The following CFDP1 variants were observed in gnomAD, a reference collection of about 807,000 sequenced individuals.
CFDP1 encodes heterochromatin-stabilizing protein CFDP1.
A neutral mutation model predicts 40.1 loss-of-function variants in CFDP1; 31 were observed. The ratio of observed to expected loss-of-function variants is 0.77; its 90% CI spans 0.58 to 1.04. The LOEUF is 1.04. Ranked by LOEUF, CFDP1 falls within the 50% of genes least tolerant of loss-of-function variation. The pLI, the probability that CFDP1 is intolerant of heterozygous loss-of-function variation, is 0.00. For missense variants in CFDP1, 423 were observed against 343.4 expected (o/e 1.23, Z -1.83); for synonymous variants, 167 against 120.0 (o/e 1.39, Z -2.56).
chr16:75,334,731 GA>G (rs1278627226), intron 5 of CFDP1, among the ~76,000 whole-genome samples: 1 of 152,156 alleles, frequency 6.6e-6, no homozygotes, highest in African/African-American at 2.4e-5. Flanking sequence ...GACGCAGGCG[GA>G]TAACTGGAGG....
At chr16:75,368,008 G>A (rs1257741764) in intron 5 of CFDP1, among the ~76,000 whole-genome samples, 1 of 152,104 alleles carries the variant, frequency 6.6e-6, no homozygotes, top group East Asian at 1.9e-4. Context: ...AAGGGCTGAG[G>A]CAGAAGAATC....
At chr16:75,409,651 C>T (rs1459152788) in intron 4 of CFDP1, among the ~76,000 whole-genome samples, 1 of 152,072 alleles carries the variant, frequency 6.6e-6, no homozygotes. Flanking sequence ...ATGGAGAATG[C>T]CCTTGGTCGT....
intron 5 of CFDP1, among the ~76,000 whole-genome samples, chr16:75,326,146 A>G (rs946843843): frequency 2.6e-5 from 4 of 152,212 alleles, no homozygotes; most frequent in African/African-American, 9.6e-5. Flanking sequence ...TGTGAAAATG[A>G]AGCTCTATAA....
intron 5 of CFDP1, among the ~76,000 whole-genome samples, chr16:75,354,849 T>A (rs1278232273): frequency 6.6e-6 from 1 of 152,210 alleles, no homozygotes; most frequent in Non-Finnish European, 1.5e-5. Flanking sequence ...AATCTCTTAA[T>A]TTTGACAAAT....
At chr16:75,411,531 C>T (rs992599522) in intron 4 of CFDP1, among the ~76,000 whole-genome samples, 5 of 152,166 alleles carry the variant, frequency 3.3e-5, no homozygotes, top group Admixed American at 3.3e-4. Flanking sequence ...GGAGACATGA[C>T]TTACCAAAAG....
intron 4 of CFDP1, among the ~76,000 whole-genome samples, chr16:75,411,084 T>A (rs1413699364): frequency 6.6e-6 from 1 of 151,664 alleles, no homozygotes; most frequent in Non-Finnish European, 1.5e-5. Flanking sequence ...AGGGCATGGT[T>A]GCACAGGCTT....
chr16:75,303,400 AATGT>A (rs71380717), intron 6 of CFDP1, among the ~76,000 whole-genome samples: 15 of 146,232 alleles, frequency 1.0e-4, no homozygotes, highest in African/African-American at 2.8e-4. Context: ...TAAATAAATA[AATGT>A]ATGTATGTAT....
intron 5 of CFDP1, among the ~76,000 whole-genome samples, chr16:75,322,508 G>C (rs1462161482): frequency 6.6e-6 from 1 of 152,178 alleles, no homozygotes; most frequent in Non-Finnish European, 1.5e-5. Flanking sequence ...CTACAAATCT[G>C]TATAGCATGT....
chr16:75,400,665 G>C (rs2079043923), intron 4 of CFDP1, among the ~76,000 whole-genome samples: 1 of 152,186 alleles, frequency 6.6e-6, no homozygotes, highest in Non-Finnish European at 1.5e-5. Flanking sequence ...TCCATTCTGA[G>C]AAAAGAGGAA....
intron 5 of CFDP1, among the ~76,000 whole-genome samples, chr16:75,391,842 G>A (rs901418516): frequency 2.4e-4 from 37 of 152,038 alleles, no homozygotes; most frequent in South Asian, 2.1e-4. Context: ...GGTGGCGGGC[G>A]CCTGTAATCC....
At chr16:75,402,532 T>A (rs1016130462) in intron 4 of CFDP1, among the ~76,000 whole-genome samples, 1 of 152,168 alleles carries the variant, frequency 6.6e-6, no homozygotes, top group Non-Finnish European at 1.5e-5. Flanking sequence ...AAATTTAACA[T>A]TAAAATACAG....
intron 5 of CFDP1, among the ~76,000 whole-genome samples, chr16:75,347,878 G>A (rs766668138): frequency 2.0e-5 from 3 of 152,074 alleles, no homozygotes; most frequent in African/African-American, 4.8e-5. Flanking sequence ...GCGAAATCAC[G>A]AAGCAAACCC....
intron 6 of CFDP1, among the ~76,000 whole-genome samples, chr16:75,294,687 G>A (rs1236684956): frequency 6.6e-6 from 1 of 152,028 alleles, no homozygotes; most frequent in Non-Finnish European, 1.5e-5. Flanking sequence ...CCTCCACCCT[G>A]TTTGCGTCTA....
chr16:75,395,037 G>C (rs1326352911), intron 5 of CFDP1, 53 bp downstream of exon 5: 7 of 1,607,460 alleles, frequency 4.4e-6, no homozygotes, highest in Non-Finnish European at 6.0e-6. Flanking sequence ...TATTTGCACT[G>C]AAAGCTTCTC....
chr16:75,404,468 G>T (rs1192212700), intron 4 of CFDP1, among the ~76,000 whole-genome samples: 1 of 151,984 alleles, frequency 6.6e-6, no homozygotes, highest in East Asian at 1.9e-4. Context: ...TGATCCGCCT[G>T]CCTCGGCCTC....
intron 5 of CFDP1, among the ~76,000 whole-genome samples, chr16:75,385,241 T>C (rs867735590): frequency 9.9e-5 from 15 of 152,066 alleles, no homozygotes; most frequent in African/African-American, 2.7e-4. Context: ...TTGTGACTAA[T>C]ATTAATATAT....
At chr16:75,405,496 C>A (rs1175297883) in intron 4 of CFDP1, among the ~76,000 whole-genome samples, 1 of 151,952 alleles carries the variant, frequency 6.6e-6, no homozygotes, top group African/African-American at 2.4e-5. Context: ...GCCTGTAATC[C>A]TAGCACTTTG....
At chr16:75,433,195 G>T (rs1050359846) in intron 1 of CFDP1, 94 bp downstream of exon 1, 12 of 1,252,774 alleles carry the variant, frequency 9.6e-6, no homozygotes, top group Non-Finnish European at 1.2e-5. Context: ...TGGACCACCT[G>T]GGCCACAGGG....
At chr16:75,353,132 G>C (rs2078623960) in intron 5 of CFDP1, among the ~76,000 whole-genome samples, 1 of 152,138 alleles carries the variant, frequency 6.6e-6, no homozygotes, top group East Asian at 1.9e-4. Context: ...ATAGAAATCT[G>C]ATGATTAAAA....
Sources: allele counts gnomAD v4.1 joint callset (sites outside exome capture counted in the v4.1 genomes callset), GRCh38; gene constraint gnomAD v4.1.1; transcripts MANE v1.5; gene names NCBI Gene and HGNC (gene_info 2026-07-23, HGNC 2026-07-21).